SLITRK5: variants seen among roughly 807,000 people sequenced by gnomAD.
SLITRK5 encodes SLIT and NTRK like family member 5, also known as SLIT and NTRK-like protein 5.
In SLITRK5, 23 loss-of-function variants were observed where a neutral mutation model predicts 56.2. That is an observed-to-expected ratio of 0.41 (90% CI 0.29 to 0.58). The LOEUF is 0.58. SLITRK5 is among the 20% of genes least tolerant of loss of function. The pLI is 0.30. For synonymous variants in SLITRK5, 637 were observed against 531.8 expected (o/e 1.20, Z -2.72); for missense variants, 1,289 against 1,226.6 (o/e 1.05, Z -0.76).
At position 87,678,155 on chromosome 13, in the gene SLITRK5, G is replaced by T. The variant is rs1487750908; in HGVS notation, c.2767G>T (p.Val923Phe). 4 of 1,614,126 alleles carry T rather than the reference G, an allele frequency of 2.5e-6. No homozygotes were observed. Among genetic ancestry groups the T allele is most frequent in the South Asian group, 1.1e-5 (1 of 91,088 alleles). ...GGTGCTCTACAGCCCCCCGAGTGCTGTCTTTGTAGAACCCAACCGGAACGA... is the reference window on the plus strand; with the variant it reads ...GGTGCTCTACAGCCCCCCGAGTGCTTTCTTTGTAGAACCCAACCGGAACGA... ...EPVLYSPPSA[V>F]FVEPNRNEYL... Residue 923 changes from valine to phenylalanine, a missense_variant, in exon 2 of 2, where the codon GTC becomes TTC. Physicochemically the swap from Val to Phe is conservative, Grantham distance 50. Transcript: ENST00000683689.
chr13:87,678,851 T>C lies in SLITRK5; in HGVS notation c.*586T>C, dbSNP rs1365480859. ...GATGTGTTTGTATGCATTCTGGACA[T>C]TTGAATTAAAAAAAAAGTATTGTGA... On this transcript the variant is annotated 3_prime_UTR_variant, in exon 2 of 2. Transcript: ENST00000683689. 2 of 166,452 alleles carry C rather than the reference T, an allele frequency of 1.2e-5. No individual in the cohort carries two copies. The highest frequency in any genetic ancestry group is 2.9e-5 in the Non-Finnish European group (2 of 68,090). 10.3% of individuals were successfully genotyped at this position (166,452 alleles called of 1,614,324 possible).
chr13:87,675,274 C>T (rs1221345775), intron 1 of SLITRK5, 107 bp from the exon 2 acceptor site: 3 of 722,580 alleles, frequency 4.2e-6, no homozygotes, highest in Non-Finnish European at 7.0e-6. Context: ...GTATCTCTTC[C>T]TTTTGGGTTT....
At position 87,677,877 on chromosome 13, in the gene SLITRK5, GC is replaced by G; in HGVS notation, c.2493del (p.Ala832ProfsTer28). On this transcript the variant is annotated frameshift_variant, in exon 2 of 2. Transcript: ENST00000683689. The surrounding 1 kb of genome is among the most constrained non-coding windows in gnomAD (Gnocchi z 4.7). ...EERRESHHLRSPAYSVSTIEP... is the reference protein window; with the variant it reads ...EERRESHHLRXPAYSVSTIEP... ...AGGCGGGAAAGCCACCACTTGCGGA[GC>G]CCCGCCTACAGCGTCAGCACCATCG... 1.2e-6 allele frequency: 2 copies of G among 1,609,802 alleles called. No individual in the cohort carries two copies. Among genetic ancestry groups the G allele is most frequent in the Non-Finnish European group, 1.7e-6 (2 of 1,178,364 alleles).
Position 87,677,816 on chromosome 13 carries a change from C to T in SLITRK5, c.2428C>T (p.Pro810Ser). The change falls in exon 2 of 2, where the codon CCG (proline) becomes TCG (serine). Residue 810 changes from proline (P) to serine (S), a missense_variant. By Grantham distance (74) the Pro-to-Ser change is moderately conservative. This residue lies in a region of SLITRK5 where 985 missense variants were observed against 906.0 expected (regional missense o/e 1.09). Transcript: ENST00000683689. The surrounding 1 kb of genome is among the most constrained non-coding windows in gnomAD (Gnocchi z 4.7). ...PPPQQPQQQP[P>S]PQLQLQPGEE... ...ACCGCAGCAGCCACAGCAGCAGCCC[C>T]CGCCGCAGCTGCAGCTGCAGCCCGG... 2 of 1,611,580 alleles carry T rather than the reference C, an allele frequency of 1.2e-6. No homozygotes were observed. Among genetic ancestry groups the T allele is most frequent in the Non-Finnish European group, 1.7e-6 (2 of 1,178,690 alleles).
Position 87,677,782 on chromosome 13 carries a change from G to A in SLITRK5, c.2394G>A (p.Pro798=), listed in dbSNP as rs780195695. 5.0e-5 allele frequency: 81 copies of A among 1,609,602 alleles called. No homozygotes were observed. In the Admixed American group the frequency reaches 1.3e-3, roughly 26 times the overall value. ...SNHHLQQQQQ[P]PPPPQQPQQQ... ...ACCACCTGCAGCAGCAGCAGCAGCCGCCGCCGCCACCGCAGCAGCCACAGC... is the reference window on the plus strand; with the variant it reads ...ACCACCTGCAGCAGCAGCAGCAGCCACCGCCGCCACCGCAGCAGCCACAGC... The change falls in exon 2 of 2, where the codon CCG becomes CCA. Residue 798 remains proline (P), a synonymous_variant. Coordinates refer to ENST00000683689, the MANE Select transcript of SLITRK5 (RefSeq NM_001384609.1). The surrounding 1 kb of genome is among the most constrained non-coding windows in gnomAD (Gnocchi z 4.7).
Position 87,675,589 on chromosome 13 carries a change from C to T in SLITRK5, c.201C>T (p.Asn67=), listed in dbSNP as rs773679844. The T allele has an allele frequency of 1.9e-5, 31 of 1,614,038 alleles. No individual in the cohort carries two copies. Among genetic ancestry groups the T allele is most frequent in the East Asian group, 6.7e-5 (3 of 44,880 alleles). The change falls in exon 2 of 2, where the codon AAC becomes AAT. Residue 67 remains asparagine (N), a synonymous_variant. Coordinates refer to ENST00000683689, the MANE Select transcript of SLITRK5 (RefSeq NM_001384609.1). ...GCATTTTAACTGTGAGCTGTGAAAA[C>T]CGGGGGATCATCAGTCTCTCTGAAA... is the stretch of plus-strand genomic sequence containing the variant. The part of the protein sequence containing the change: ...KDGILTVSCE[N]RGIISLSEIS...
rs1593972934 is a variant in SLITRK5 at position 87,676,262 on chromosome 13, T to C, written c.874T>C (p.Tyr292His). 1.2e-6 allele frequency: 2 copies of C among 1,614,128 alleles called. No homozygotes were observed. Among genetic ancestry groups the C allele is most frequent in the Non-Finnish European group, 1.7e-6 (2 of 1,180,024 alleles). The change falls in exon 2 of 2, where the codon TAC (tyrosine) becomes CAC (histidine). Residue 292 changes from tyrosine (Y) to histidine (H), a missense_variant. Around this residue, in one of 3 missense-constraint regions of SLITRK5, gnomAD observed 985 missense variants for 906.0 expected, o/e 1.09. Coordinates refer to ENST00000683689, the MANE Select transcript of SLITRK5 (RefSeq NM_001384609.1). ...ELCPRRLISD[Y>H]EMRPQTPLST... is the part of the protein sequence containing the mutation. ...TTGCCCAAGGAGACTTATTTCTGAC[T>C]ACGAGATGAGGCCGCAGACGCCTTT...
In SLITRK5 at chr13:87,677,818, G is replaced by C; in HGVS notation, c.2430G>C (p.Pro810=). The C allele has an allele frequency of 1.2e-6, 2 of 1,611,576 alleles. No individual in the cohort carries two copies. Among genetic ancestry groups the C allele is most frequent in the South Asian group, 2.2e-5 (2 of 90,966 alleles). ...CGCAGCAGCCACAGCAGCAGCCCCC[G>C]CCGCAGCTGCAGCTGCAGCCCGGGG... ...PPPQQPQQQP[P]PQLQLQPGEE... is the part of the protein sequence containing the mutation. The change falls in exon 2 of 2, where the codon CCG becomes CCC. Residue 810 remains proline, a synonymous_variant. Transcript: ENST00000683689. This position sits in a 1 kb window ranked among gnomAD's most constrained non-coding sequence, Gnocchi z 4.7.
intron 1 of SLITRK5, 117 bp from the exon 2 acceptor site, chr13:87,675,264 G>T: frequency 4.5e-6 from 3 of 667,460 alleles, no homozygotes; most frequent in Non-Finnish European, 5.2e-6. Flanking sequence ...TGTGTCATTT[G>T]TATCTCTTCC....
rs1877434484 is a variant in SLITRK5 at position 87,679,191 on chromosome 13, C to A, written c.*926C>A. ...AATGCAACCCACCCAATTGAATCTG[C>A]ATTTTCTTTTAAGAAAACAGAGCTG... On this transcript the variant is annotated 3_prime_UTR_variant, in exon 2 of 2. Transcript: ENST00000683689. 6.0e-6 allele frequency: 1 copy of A among 166,940 alleles called. No individual in the cohort carries two copies. Among genetic ancestry groups the A allele is most frequent in the Admixed American group, 6.6e-5 (1 of 15,264 alleles). 10.3% of individuals were successfully genotyped at this position (166,940 alleles called of 1,614,324 possible).
Position 87,671,831 on chromosome 13 carries a change from G to A in SLITRK5, c.-387G>A, listed in dbSNP as rs1402384089. On this transcript the variant is annotated 5_prime_UTR_variant, in exon 1 of 2. Coordinates refer to ENST00000683689, the MANE Select transcript of SLITRK5 (RefSeq NM_001384609.1). ...GGCTCGGCGCGGAGACAGCGTCGGC[G>A]GGATCCCAGCGCGGTGGTCGCCGCT... 6.6e-6 allele frequency among the ~76,000 whole-genome samples: 1 copy of A among 152,050 alleles called. No homozygotes were observed. Among genetic ancestry groups the A allele is most frequent in the African/African-American group, 2.4e-5 (1 of 41,404 alleles).
In SLITRK5 at chr13:87,676,380, C is replaced by T; in HGVS notation, c.992C>T (p.Pro331Leu). The change falls in exon 2 of 2, where the codon CCT (proline) becomes CTT (leucine). Residue 331 changes from proline (P) to leucine (L), a missense_variant. By Grantham distance (98) the Pro-to-Leu change is moderately conservative. Transcript: ENST00000683689. The part of the protein sequence containing the change: ...SAVYKPPLKP[P>L]KGTRQPNKPR... ...GTTTACAAACCCCCTTTGAAGCCCCCTAAGGGGACTCGCCAACCCAACAAG... is the reference window on the plus strand; with the variant it reads ...GTTTACAAACCCCCTTTGAAGCCCCTTAAGGGGACTCGCCAACCCAACAAG... 16 of 1,614,116 alleles carry T rather than the reference C, an allele frequency of 9.9e-6. No individual in the cohort carries two copies. The highest frequency in any genetic ancestry group is 1.4e-5 in the Non-Finnish European group (16 of 1,180,014).
rs894131088 is a variant in SLITRK5, at chr13:87,679,133, G to A, written c.*868G>A. ...GAAGGCATTTTCAATCATTCAAAAT[G>A]TGGAGAATTTAATGGCTAAATCTTT... On this transcript the variant is annotated 3_prime_UTR_variant, in exon 2 of 2. Transcript: ENST00000683689. 1 of 166,836 alleles carries A rather than the reference G, an allele frequency of 6.0e-6. No homozygotes were observed. The highest frequency in any genetic ancestry group is 2.4e-5 in the African/African-American group (1 of 41,412). The allele number at this position is 166,836 out of a possible 1,614,324, so 10.3% of individuals were successfully genotyped here.
chr13:87,673,544 A>T (rs1177213463), intron 1 of SLITRK5: 1 of 1,282,384 alleles, frequency 7.8e-7, no homozygotes, highest in East Asian at 5.6e-5. Flanking sequence ...GGATGTGCGG[A>T]TTTGATCCAG....
Position 87,676,633 on chromosome 13 carries a change from T to C in SLITRK5, c.1245T>C (p.Tyr415=), listed in dbSNP as rs761169530. 5 of 1,613,976 alleles carry C rather than the reference T, an allele frequency of 3.1e-6. No individual in the cohort carries two copies. The highest frequency in any genetic ancestry group is 1.7e-5 in the Admixed American group (1 of 60,010). ...QPKPYNPKKM[Y]LTENYIAVVR... ...AGCCCTACAATCCCAAGAAAATGTA[T>C]CTGACAGAGAACTACATCGCTGTCG... The change falls in exon 2 of 2, where the codon TAT becomes TAC. Residue 415 remains tyrosine, a synonymous_variant. Coordinates refer to ENST00000683689, the MANE Select transcript of SLITRK5 (RefSeq NM_001384609.1).
Position 87,676,955 on chromosome 13 carries a change from G to A in SLITRK5, c.1567G>A (p.Gly523Ser), listed in dbSNP as rs770328690. The A allele has an allele frequency of 8.7e-6, 14 of 1,614,014 alleles. No homozygotes were observed. The South Asian group carries it at 1.3e-4, about 15-fold the overall frequency. ...NNNLLQAMPSGVFSGLTLLRL... is the reference protein window; with the variant it reads ...NNNLLQAMPSSVFSGLTLLRL... ...CAACCTCCTGCAGGCCATGCCCTCAGGCGTCTTCTCTGGCTTGACCCTCCT... is the reference window on the plus strand; with the variant it reads ...CAACCTCCTGCAGGCCATGCCCTCAAGCGTCTTCTCTGGCTTGACCCTCCT... Residue 523 changes from glycine (G) to serine (S), a missense_variant, in exon 2 of 2, where the codon GGC becomes AGC. Gly to Ser is a moderately conservative substitution (Grantham distance 56, BLOSUM62 0). Coordinates refer to ENST00000683689, the MANE Select transcript of SLITRK5 (RefSeq NM_001384609.1).
rs1010149028 is a variant in SLITRK5, at chr13:87,671,569, A to G, written c.-649A>G. The stretch of plus-strand genomic sequence containing the variant: ...ACGCAACTTTCTCGGAGTTTTTTTT[A>G]GAGCCACCGGGCTGCCAGGACAAGC... On this transcript the variant is annotated 5_prime_UTR_variant, in exon 1 of 2. Coordinates refer to ENST00000683689, the MANE Select transcript of SLITRK5 (RefSeq NM_001384609.1). 1.3e-5 allele frequency among the ~76,000 whole-genome samples: 2 copies of G among 152,000 alleles called. No homozygotes were observed. Among genetic ancestry groups the G allele is most frequent in the South Asian group, 4.2e-4 (2 of 4,818 alleles).
intron 1 of SLITRK5, chr13:87,672,862 T>TGTGTGTGG (rs1320703615): frequency 1.2e-5 from 1 of 80,690 alleles, no homozygotes; most frequent in East Asian, 4.0e-4. Flanking sequence ...GAGGTGTGTG[T>TGTGTGTGG]GTGTGTGTGT....
Position 87,675,704 on chromosome 13 carries a change from G to A in SLITRK5, c.316G>A (p.Gly106Arg). 6.2e-7 allele frequency: 1 copy of A among 1,614,080 alleles called. No homozygotes were observed. Among genetic ancestry groups the A allele is most frequent in the Non-Finnish European group, 8.5e-7 (1 of 1,180,020 alleles). The change falls in exon 2 of 2, where the codon GGG becomes AGG. Residue 106 changes from glycine (G) to arginine (R), a missense_variant. Coordinates refer to ENST00000683689, the MANE Select transcript of SLITRK5 (RefSeq NM_001384609.1). Reference sequence around the variant, plus strand: ...TCCCAATGAGTTTGTCAATTACACTGGGGCTTCAATTTTGCATCTAGGTAG... The same window carrying A: ...TCCCAATGAGTTTGTCAATTACACTAGGGCTTCAATTTTGCATCTAGGTAG... ...LYPNEFVNYT[G>R]ASILHLGSNV...
Sources: allele counts gnomAD v4.1 joint callset (sites outside exome capture counted in the v4.1 genomes callset), GRCh38; gene constraint gnomAD v4.1.1; regional missense constraint gnomAD v4.1.1; non-coding constraint Gnocchi (gnomAD v3.1); transcripts MANE v1.5; gene names NCBI Gene and HGNC (gene_info 2026-07-23, HGNC 2026-07-21).